ARHGEF28: variants seen among roughly 807,000 people sequenced by gnomAD.
ARHGEF28 encodes 190 kDa guanine nucleotide exchange factor.
In ARHGEF28, 152 loss-of-function variants were observed where a neutral mutation model predicts 206.6. The observed-to-expected ratio is 0.74, with a 90% CI of 0.64 to 0.84. The LOEUF (loss-of-function observed/expected upper bound fraction) is 0.84. ARHGEF28 is among the 40% of genes least tolerant of loss of function. ARHGEF28 has a pLI of 0.00. For synonymous variants in ARHGEF28, 763 were observed against 776.4 expected (o/e 0.98, Z 0.29); for missense variants, 2,028 against 2,073.2 (o/e 0.98, Z 0.42).
chr5:73,924,945 G>T (rs1418261450), intron 35 of ARHGEF28, among the ~76,000 whole-genome samples: 1 of 152,116 alleles, frequency 6.6e-6, no homozygotes, highest in African/African-American at 2.4e-5. Flanking sequence ...ACTGCATGCG[G>T]CATACCCTTC....
chr5:73,660,346 T>C (rs1366585388), intron 1 of ARHGEF28, among the ~76,000 whole-genome samples: 2 of 152,184 alleles, frequency 1.3e-5, no homozygotes, highest in Admixed American at 6.5e-5. Flanking sequence ...TCTAATTCTC[T>C]TGCTGTTTCC....
intron 3 of ARHGEF28, 73 bp downstream of exon 3, chr5:73,750,057 G>A (rs1203604026): frequency 5.8e-6 from 9 of 1,556,544 alleles, no homozygotes; most frequent in African/African-American, 1.4e-5. Context: ...TGTAGGCCAG[G>A]AAGAGAGCCA....
At chr5:73,833,355 CT>C (rs33977905) in intron 10 of ARHGEF28, among the ~76,000 whole-genome samples, 120,206 of 150,880 alleles carry the variant, frequency 0.8, 48,540 homozygotes, top group African/African-American at 0.94. Context: ...GTGATCTAAA[CT>C]TTTTTTTTTT....
At chr5:73,935,626 G>A (rs1221202991) in intron 35 of ARHGEF28, among the ~76,000 whole-genome samples, 1 of 152,006 alleles carries the variant, frequency 6.6e-6, no homozygotes, top group Non-Finnish European at 1.5e-5. Flanking sequence ...TGTTTCAGAG[G>A]GTAAATATGA....
chr5:73,903,641 C>T (rs939009400), intron 31 of ARHGEF28: 2 of 153,952 alleles, frequency 1.3e-5, no homozygotes, highest in Admixed American at 1.3e-4. Flanking sequence ...TCTACTATGG[C>T]AGTCACTGGT....
chr5:73,933,021 C>T (rs562664770), intron 35 of ARHGEF28, among the ~76,000 whole-genome samples: 3 of 151,442 alleles, frequency 2.0e-5, no homozygotes, highest in Admixed American at 6.6e-5. Flanking sequence ...CGTGTTAGCC[C>T]GGATGGTCTC....
chr5:73,689,597 G>A (rs1336642305), intron 2 of ARHGEF28, among the ~76,000 whole-genome samples: 1 of 152,176 alleles, frequency 6.6e-6, no homozygotes, highest in African/African-American at 2.4e-5. Context: ...GAAGAAGCAG[G>A]AATTGGCAAG....
chr5:73,773,091 A>G (rs1301341776), intron 4 of ARHGEF28, among the ~76,000 whole-genome samples: 1 of 152,198 alleles, frequency 6.6e-6, no homozygotes, highest in Non-Finnish European at 1.5e-5. Flanking sequence ...AACTCCTCAA[A>G]TGCTAAATGG....
intron 21 of ARHGEF28, among the ~76,000 whole-genome samples, chr5:73,872,380 G>A (rs1457291580): frequency 6.6e-6 from 1 of 151,798 alleles, no homozygotes; most frequent in African/African-American, 2.4e-5. Flanking sequence ...AAATATACTA[G>A]ATACAAGTTC....
chr5:73,687,848 T>C lies in ARHGEF28; in HGVS notation c.33+2964T>C, dbSNP rs184599804. Among the ~76,000 whole-genome samples, 374 of 152,274 alleles carry C rather than the reference T, an allele frequency of 2.5e-3. 2 individuals carry two copies. The highest frequency in any genetic ancestry group is 8.4e-3 in the African/African-American group (349 of 41,588). On this transcript the variant is annotated intron_variant, in intron 2 of 35. Transcript: ENST00000513042. ...CTGTTGACATTTTGATACAGATTTTTCCAGAGTTTTATCTATATCTCTGTT... is the reference window on the plus strand; with the variant it reads ...CTGTTGACATTTTGATACAGATTTTCCCAGAGTTTTATCTATATCTCTGTT...
At chr5:73,930,523 G>A (rs777526498) in intron 35 of ARHGEF28, among the ~76,000 whole-genome samples, 1 of 152,070 alleles carries the variant, frequency 6.6e-6, no homozygotes, top group Non-Finnish European at 1.5e-5. Context: ...TACTTTGAGT[G>A]GTTTTCAGAG....
At chr5:73,692,585 A>G (rs1747898814) in intron 2 of ARHGEF28, among the ~76,000 whole-genome samples, 1 of 152,116 alleles carries the variant, frequency 6.6e-6, no homozygotes, top group African/African-American at 2.4e-5. Flanking sequence ...GTATAATCTG[A>G]TGTCTAGAGG....
At chr5:73,678,521 G>A (rs1185784344) in intron 1 of ARHGEF28, among the ~76,000 whole-genome samples, 1 of 152,122 alleles carries the variant, frequency 6.6e-6, no homozygotes, top group African/African-American at 2.4e-5. Flanking sequence ...TGATACAGCT[G>A]GTTTCTTCTT....
At chr5:73,838,175 A>G (rs1035477840) in intron 10 of ARHGEF28, among the ~76,000 whole-genome samples, 1 of 152,264 alleles carries the variant, frequency 6.6e-6, no homozygotes. Context: ...GCAACATAGC[A>G]GATTGCCAAG....
chr5:73,852,610 G>A, intron 13 of ARHGEF28, 40 bp from the exon 14 acceptor site: 2 of 1,596,814 alleles, frequency 1.3e-6, no homozygotes, highest in Non-Finnish European at 1.7e-6. Flanking sequence ...CTGCCAGTTT[G>A]TGTGCCTTAG....
intron 11 of ARHGEF28, among the ~76,000 whole-genome samples, chr5:73,841,580 C>T (rs1246989951): frequency 1.3e-5 from 2 of 151,894 alleles, no homozygotes; most frequent in Non-Finnish European, 2.9e-5. Flanking sequence ...GTGGCACGCA[C>T]ATGTGGTCCT....
intron 35 of ARHGEF28, among the ~76,000 whole-genome samples, chr5:73,917,675 C>T (rs1183143366): frequency 1.3e-5 from 2 of 152,228 alleles, no homozygotes; most frequent in Non-Finnish European, 2.9e-5. Context: ...GGTGTCTGTT[C>T]ATCTCTACCC....
chr5:73,709,352 G>A (rs952813112), intron 2 of ARHGEF28, among the ~76,000 whole-genome samples: 1 of 152,090 alleles, frequency 6.6e-6, no homozygotes, highest in Non-Finnish European at 1.5e-5. Context: ...GTCAAACCCT[G>A]CTCCCACCTC....
chr5:73,676,000 G>A (rs1054836594), intron 1 of ARHGEF28, among the ~76,000 whole-genome samples: 2 of 150,918 alleles, frequency 1.3e-5, no homozygotes, highest in Non-Finnish European at 2.9e-5. Context: ...GGAGGGGGGT[G>A]TGAAATTTTC....
Sources: gnomAD v4.1 joint callset for allele counts (sites outside exome capture counted in the v4.1 genomes callset) on GRCh38, gnomAD v4.1.1 for gene constraint, MANE v1.5 for transcripts, NCBI Gene and HGNC (gene_info 2026-07-23, HGNC 2026-07-21) for gene names.